The following AOPEP variants were observed in gnomAD, a reference collection of about 807,000 sequenced individuals.
The protein encoded by AOPEP is aminopeptidase O (putative), also known as aminopeptidase O.
A neutral mutation model predicts 98.1 loss-of-function variants in AOPEP; 77 were observed. The observed-to-expected ratio is 0.78, with a 90% CI of 0.65 to 0.95. AOPEP has a LOEUF of 0.95. Ranked by LOEUF, AOPEP falls within the 40% of genes least tolerant of loss-of-function variation. The pLI, the probability that AOPEP is intolerant of heterozygous loss-of-function variation, is 0.00. For missense variants in AOPEP, 1,024 were observed against 1,024.7 expected, an observed-to-expected ratio of 1.00 and a Z score of 0.01; for synonymous variants, 346 against 365.3, an observed-to-expected ratio of 0.95 and a Z score of 0.60.
intron 14 of AOPEP, 70 bp from the exon 15 acceptor site, chr9:95,080,624 T>C: frequency 9.4e-7 from 1 of 1,065,402 alleles, no homozygotes; most frequent in Non-Finnish European, 1.4e-6. Context: ...AGAGGCTGCC[T>C]GTCACTGGGC....
chr9:95,022,846 CAT>C (rs1038956544), intron 13 of AOPEP, among the ~76,000 whole-genome samples: 6 of 152,140 alleles, frequency 3.9e-5, no homozygotes, highest in Admixed American at 3.9e-4. Context: ...TTGCCCAGAA[CAT>C]GTGTGGTTTC....
intron 13 of AOPEP, among the ~76,000 whole-genome samples, chr9:95,014,026 CAGT>C (rs965044086): frequency 4.6e-5 from 7 of 152,174 alleles, no homozygotes; most frequent in Non-Finnish European, 7.3e-5. Context: ...TGCTTGCTCA[CAGT>C]AGATATGAAG....
intron 13 of AOPEP, among the ~76,000 whole-genome samples, chr9:95,030,475 A>G (rs1227248733): frequency 6.6e-6 from 1 of 152,262 alleles, no homozygotes; most frequent in Non-Finnish European, 1.5e-5. Context: ...GGGGATATGT[A>G]TACCTTAACT....
At chr9:95,124,548 T>C in the AOPEP span, among the ~76,000 whole-genome samples, 6 of 152,298 alleles carry the variant, frequency 3.9e-5, no homozygotes, top group East Asian at 1.2e-3. Flanking sequence ...CTCACTGCCC[T>C]TCCTCACTCC....
At chr9:95,022,549 C>T (rs1422506574) in intron 13 of AOPEP, among the ~76,000 whole-genome samples, 1 of 152,118 alleles carries the variant, frequency 6.6e-6, no homozygotes, top group Non-Finnish European at 1.5e-5. Context: ...CCGTGTTAGC[C>T]AGGATGGCCT....
At chr9:95,144,132 G>A in the AOPEP span, among the ~76,000 whole-genome samples, 1 of 152,186 alleles carries the variant, frequency 6.6e-6, no homozygotes, top group Admixed American at 6.5e-5. Context: ...GCACATCTGG[G>A]GAGGGGGGGC....
intron 5 of AOPEP, among the ~76,000 whole-genome samples, chr9:94,922,164 A>T (rs975274473): frequency 6.6e-6 from 1 of 152,190 alleles, no homozygotes; most frequent in African/African-American, 2.4e-5. Context: ...AGGCCCTCGC[A>T]GACTTTTATA....
chr9:95,085,224 G>T, intron 16 of AOPEP: 1 of 496,304 alleles, frequency 2.0e-6, no homozygotes. Context: ...TGCTCTGGCT[G>T]CTTGGGTTCC....
chr9:94,939,050 C>G (rs1235927971), intron 7 of AOPEP, among the ~76,000 whole-genome samples: 1 of 152,096 alleles, frequency 6.6e-6, no homozygotes, highest in African/African-American at 2.4e-5. Flanking sequence ...GAGTTCAAGA[C>G]CAGCCTGCCC....
intron 5 of AOPEP, among the ~76,000 whole-genome samples, chr9:94,832,137 A>T (rs1212014622): frequency 6.6e-6 from 1 of 152,214 alleles, no homozygotes; most frequent in Non-Finnish European, 1.5e-5. Flanking sequence ...TTTTGCATGT[A>T]AAAAAGCAAA....
chr9:94,996,389 TGTGA>T (rs767631726), intron 11 of AOPEP, among the ~76,000 whole-genome samples: 25 of 145,530 alleles, frequency 1.7e-4, no homozygotes, highest in South Asian at 2.2e-4. Context: ...TGTGTGTGTG[TGTGA>T]GAGAGAGATT....
intron 3 of AOPEP, among the ~76,000 whole-genome samples, chr9:94,777,630 T>A (rs1449083810): frequency 7.4e-6 from 1 of 134,990 alleles, no homozygotes; most frequent in African/African-American, 2.8e-5. Flanking sequence ...ATAATCTTTT[T>A]TTTTTTTTTT....
At chr9:95,113,236 C>T in the AOPEP span, among the ~76,000 whole-genome samples, 4 of 152,266 alleles carry the variant, frequency 2.6e-5, no homozygotes, top group South Asian at 6.2e-4. Context: ...CAGCTGGCAC[C>T]CAAGCCATCA....
At chr9:95,107,232 A>G in the AOPEP span, 2 of 1,614,180 alleles carry the variant, frequency 1.2e-6, no homozygotes, top group East Asian at 4.5e-5. Context: ...GCTTCTGGAC[A>G]TTGCCAGGAG....
chr9:94,893,289 A>G (rs919224942), intron 5 of AOPEP, among the ~76,000 whole-genome samples: 6 of 152,140 alleles, frequency 3.9e-5, no homozygotes, highest in Non-Finnish European at 8.8e-5. Flanking sequence ...TTATAGTTTT[A>G]CCGGGAAGAT....
chr9:94,780,241 C>T (rs1842969004), intron 3 of AOPEP, among the ~76,000 whole-genome samples: 1 of 152,162 alleles, frequency 6.6e-6, no homozygotes, highest in Admixed American at 6.5e-5. Context: ...TGACCTCTGT[C>T]ATATTCATCT....
At chr9:94,854,792 A>G (rs2043972628) in intron 5 of AOPEP, among the ~76,000 whole-genome samples, 1 of 152,200 alleles carries the variant, frequency 6.6e-6, no homozygotes, top group Non-Finnish European at 1.5e-5. Flanking sequence ...ACATGAAATC[A>G]CCTCATAATT....
At chr9:95,051,221 C>G (rs1377489523) in intron 13 of AOPEP, among the ~76,000 whole-genome samples, 1 of 151,506 alleles carries the variant, frequency 6.6e-6, no homozygotes, top group Non-Finnish European at 1.5e-5. Context: ...TCCCGAGTAG[C>G]TGGGACTACA....
chr9:95,109,341 C>G, the AOPEP span, among the ~76,000 whole-genome samples: 1 of 152,276 alleles, frequency 6.6e-6, no homozygotes, highest in Admixed American at 6.5e-5. Flanking sequence ...ATGAACAATG[C>G]TGTGCTGAAT....
Sources: gnomAD v4.1 joint callset for allele counts (sites outside exome capture counted in the v4.1 genomes callset) on GRCh38, gnomAD v4.1.1 for gene constraint, MANE v1.5 for transcripts, NCBI Gene and HGNC (gene_info 2026-07-23, HGNC 2026-07-21) for gene names.